Variants in NFAT5 observed in about 807,000 individuals in gnomAD.
NFAT5 encodes nuclear factor of activated T-cells 5.
A neutral mutation model predicts 166.5 loss-of-function variants in NFAT5; 31 were observed. That is an observed-to-expected ratio of 0.19 (90% CI 0.14 to 0.25). The LOEUF is 0.25. Among genes scored for constraint, NFAT5 ranks in the 10% least tolerant of loss-of-function variants. NFAT5 has a pLI of 1.00. For synonymous variants in NFAT5, 612 were observed against 639.7 expected (o/e 0.96, Z 0.65); for missense variants, 1,449 against 1,821.8 (o/e 0.80, Z 3.72).
chr16:69,571,494 C>T (rs1053622966), intron 2 of NFAT5, among the ~76,000 whole-genome samples: 24 of 152,066 alleles, frequency 1.6e-4, no homozygotes, highest in Non-Finnish European at 3.4e-4. Flanking sequence ...AGCCTAGCCT[C>T]TTGACTACTG....
chr16:69,695,244 T>G lies in NFAT5; in HGVS notation c.4523T>G (p.Leu1508Arg), dbSNP rs1249418195. 1.9e-6 allele frequency: 3 copies of G among 1,614,178 alleles called. No homozygotes were observed. Among genetic ancestry groups the G allele is most frequent in the East Asian group, 2.2e-5 (1 of 44,888 alleles). The change falls in exon 14 of 15, where the codon CTT (leucine) becomes CGT (arginine). Residue 1508 changes from leucine (L) to arginine (R), a missense_variant. Leu to Arg is a moderately radical substitution (Grantham distance 102). Around this residue, in one of 7 missense-constraint regions of NFAT5, gnomAD observed 891 missense variants for 993.0 expected, o/e 0.90. Coordinates refer to ENST00000349945, the MANE Select transcript of NFAT5 (RefSeq NM_138713.4). ...GAGGGCCAGCCACCTGTGACAACAC[T>G]TCTTTCTCAGCAAATGCCAGAGAAT... ...QNEGQPPVTT[L>R]LSQQMPENSP...
intron 5 of NFAT5, among the ~76,000 whole-genome samples, chr16:69,654,853 A>G (rs767010470): frequency 1.3e-5 from 2 of 152,304 alleles, no homozygotes; most frequent in Non-Finnish European, 2.9e-5. Flanking sequence ...TTTGGCATGC[A>G]TTGTACAATT....
chr16:69,692,150 T>G lies in NFAT5; in HGVS notation c.2325T>G (p.Ile775Met). Residue 775 changes from isoleucine to methionine, a missense_variant, in exon 13 of 15, where the codon ATT (isoleucine) becomes ATG (methionine). By Grantham distance (10) the Ile-to-Met change is conservative (BLOSUM62 1). Around this residue, in one of 7 missense-constraint regions of NFAT5, gnomAD observed 891 missense variants for 993.0 expected, o/e 0.90. Transcript: ENST00000349945. ...AAGCACAGACTTTACAGCAGCAGATTTCATCAAATATTTTTCCATCACCAA... is the reference window on the plus strand; with the variant it reads ...AAGCACAGACTTTACAGCAGCAGATGTCATCAAATATTTTTCCATCACCAA... ...QEQAQTLQQQ[I>M]SSNIFPSPNS... The G allele has an allele frequency of 6.2e-7, 1 of 1,614,026 alleles. No homozygotes were observed. The highest frequency in any genetic ancestry group is 8.5e-7 in the Non-Finnish European group (1 of 1,180,004).
rs567324355 is a variant in NFAT5, at chr16:69,677,431, G to A, written c.1690+96G>A. 6.8e-6 allele frequency: 7 copies of A among 1,030,944 alleles called. No homozygotes were observed. In the African/African-American group the frequency reaches 1.2e-4, roughly 17 times the overall value. 63.9% of individuals were successfully genotyped at this position (1,030,944 alleles called of 1,614,324 possible). On this transcript the variant is annotated intron_variant, in intron 10 of 14. Transcript: ENST00000349945. ...TGACTAGCCAACCAAAAAGAAAGTT[G>A]CTCACTAAGATGAATTGATGTTAGT...
Position 69,692,996 on chromosome 16 carries a change from A to G in NFAT5, c.3171A>G (p.Gln1057=), listed in dbSNP as rs374613148. The change falls in exon 13 of 15, where the codon CAA becomes CAG. Residue 1057 remains glutamine (Q), a synonymous_variant. Transcript: ENST00000349945. ...TGAGTGTTCAGAATAGTGGTACCCA[A>G]CAACAAGGTAATGGTTTATTCCAGC... ...SMMSVQNSGT[Q]QQGNGLFQQG... 138 of 1,614,058 alleles carry G rather than the reference A, an allele frequency of 8.5e-5. No individual in the cohort carries two copies. The highest frequency in any genetic ancestry group is 1.1e-4 in the Non-Finnish European group (132 of 1,180,056).
At chr16:69,607,244 T>C (rs1319797979) in intron 2 of NFAT5, among the ~76,000 whole-genome samples, 11 of 152,226 alleles carry the variant, frequency 7.2e-5, no homozygotes, top group African/African-American at 2.7e-4. Context: ...CTACCTTTGT[T>C]CTTTCATTAT....
At chr16:69,590,183 AAAAAT>A (rs1356235816) in intron 2 of NFAT5, among the ~76,000 whole-genome samples, 1 of 152,142 alleles carries the variant, frequency 6.6e-6, no homozygotes, top group Non-Finnish European at 1.5e-5. Context: ...CAAATAATAA[AAAAAT>A]AAATAAAGCT....
chr16:69,608,685 G>T (rs574068398), intron 2 of NFAT5, among the ~76,000 whole-genome samples: 2 of 151,950 alleles, frequency 1.3e-5, no homozygotes, highest in South Asian at 4.2e-4. Context: ...CACAATTTCT[G>T]CTCACTGCAA....
intron 2 of NFAT5, among the ~76,000 whole-genome samples, chr16:69,609,819 GAAAAAA>G (rs1157655325): frequency 1.3e-5 from 1 of 75,324 alleles, no homozygotes; most frequent in Non-Finnish European, 2.7e-5. Flanking sequence ...TGTCTCTACT[GAAAAAA>G]AAAAAAAAAA....
chr16:69,613,657 T>A (rs992224495), intron 2 of NFAT5, among the ~76,000 whole-genome samples: 2 of 152,228 alleles, frequency 1.3e-5, no homozygotes, highest in African/African-American at 4.8e-5. Flanking sequence ...ACTTCTGGTG[T>A]TACATCCTCT....
Position 69,671,227 on chromosome 16 carries a change from A to T in NFAT5, c.1557+939A>T, listed in dbSNP as rs77629555. Reference sequence around the variant, plus strand: ...ACCAGACACAAGTTCAAAGGTCCCCAGGCCACCCTCTTTTTTTGAACGAGT... The same window carrying T: ...ACCAGACACAAGTTCAAAGGTCCCCTGGCCACCCTCTTTTTTTGAACGAGT... On this transcript the variant is annotated intron_variant, in intron 9 of 14. Transcript: ENST00000349945. 9.4e-4 allele frequency among the ~76,000 whole-genome samples: 143 copies of T among 152,318 alleles called. 1 individual carries two copies. Among genetic ancestry groups the T allele is most frequent in the Middle Eastern group, 3.4e-3 (1 of 294 alleles).
chr16:69,649,075 A>G, intron 4 of NFAT5: 1 of 855,084 alleles, frequency 1.2e-6, no homozygotes, highest in Non-Finnish European at 1.4e-6. Flanking sequence ...CTTTCCTAAA[A>G]TGTTGCCATT....
chr16:69,602,831 G>A (rs1318601425), intron 2 of NFAT5, among the ~76,000 whole-genome samples: 6 of 147,662 alleles, frequency 4.1e-5, no homozygotes, highest in African/African-American at 1.5e-4. Context: ...GGTTAGTCTC[G>A]AACTCCTGAG....
At chr16:69,687,905 AG>A (rs2037374871) in intron 11 of NFAT5, among the ~76,000 whole-genome samples, 1 of 152,288 alleles carries the variant, frequency 6.6e-6, no homozygotes, top group South Asian at 2.1e-4. Context: ...ACTTAAACCC[AG>A]GAGTTTGGCC....
Position 69,697,385 on chromosome 16 carries a change from A to G in NFAT5, c.*1034A>G, listed in dbSNP as rs1423425000. The G allele has an allele frequency of 2.0e-5, 3 of 152,132 alleles. No homozygotes were observed. Among genetic ancestry groups the G allele is most frequent in the South Asian group, 4.1e-4 (2 of 4,820 alleles). 9.4% of individuals were successfully genotyped at this position (152,132 alleles called of 1,614,324 possible). ...GGAGTTGATTCCTGAGAAACAACAC[A>G]TTTTTCCCCATGAACGGTGCTGTTC... On this transcript the variant is annotated 3_prime_UTR_variant, in exon 15 of 15. Coordinates refer to ENST00000349945, the MANE Select transcript of NFAT5 (RefSeq NM_138713.4).
intron 2 of NFAT5, among the ~76,000 whole-genome samples, chr16:69,576,285 C>A (rs1159598557): frequency 8.0e-6 from 1 of 125,206 alleles, no homozygotes. Flanking sequence ...GAGTGAGACT[C>A]GGTCTCAAAA....
At chr16:69,571,015 G>A (rs1208426649) in intron 2 of NFAT5, among the ~76,000 whole-genome samples, 2 of 150,524 alleles carry the variant, frequency 1.3e-5, no homozygotes, top group East Asian at 3.9e-4. Context: ...GCTAGCTGTA[G>A]AGTGTTTACT....
chr16:69,648,378 T>G, intron 4 of NFAT5: 1 of 981,748 alleles, frequency 1.0e-6, no homozygotes, highest in African/African-American at 1.7e-5. Flanking sequence ...AGAGTTTGAT[T>G]CTCATCATTT....
intron 3 of NFAT5, among the ~76,000 whole-genome samples, chr16:69,630,892 T>A (rs931350218): frequency 6.6e-6 from 1 of 152,204 alleles, no homozygotes; most frequent in African/African-American, 2.4e-5. Context: ...TAATCAAATA[T>A]TTTTAATCTA....
Sources: gnomAD v4.1 joint callset for allele counts (sites outside exome capture counted in the v4.1 genomes callset) on GRCh38, gnomAD v4.1.1 for gene constraint, gnomAD v4.1.1 regional missense constraint, MANE v1.5 for transcripts, NCBI Gene and HGNC (gene_info 2026-07-23, HGNC 2026-07-21) for gene names.